Variants in CDH13 observed in about 807,000 individuals in gnomAD.
CDH13 encodes the protein cadherin 13.
In CDH13, 24 loss-of-function variants were observed where a neutral mutation model predicts 63.8. That is an observed-to-expected ratio of 0.38 (90% confidence interval 0.27 to 0.53). The LOEUF (loss-of-function observed/expected upper bound fraction) is 0.53. Among genes scored for constraint, CDH13 ranks in the 20% least tolerant of loss-of-function variants. CDH13 has a pLI of 0.85. For missense variants in CDH13, 1,049 were observed against 903.1 expected, an observed-to-expected ratio of 1.16 and a Z score of -2.07; for synonymous variants, 503 against 355.3, an observed-to-expected ratio of 1.42 and a Z score of -4.67.
intron 1 of CDH13, among the ~76,000 whole-genome samples, chr16:82,810,860 G>A (rs574328992): frequency 1.7e-4 from 26 of 149,924 alleles, no homozygotes; most frequent in East Asian, 7.8e-4. Context: ...AATAGGATTC[G>A]GGGTGATTGT....
chr16:83,013,569 TC>T (rs1367857419), intron 2 of CDH13, among the ~76,000 whole-genome samples: 2 of 152,096 alleles, frequency 1.3e-5, no homozygotes, highest in Non-Finnish European at 2.9e-5. Flanking sequence ...CAGGAAGAGC[TC>T]CAAATAAATC....
Position 82,735,133 on chromosome 16 carries a change from A to AT in CDH13, c.45+107996_45+107997insT, listed in dbSNP as rs757068617. 8.5e-5 allele frequency among the ~76,000 whole-genome samples: 13 copies of AT among 152,328 alleles called. 1 individual carries two copies. Among genetic ancestry groups the AT allele is most frequent in the African/African-American group, 2.9e-4 (12 of 41,576 alleles). On this transcript the variant is annotated intron_variant, in intron 1 of 13. Coordinates refer to ENST00000567109, the MANE Select transcript of CDH13 (RefSeq NM_001257.5). The stretch of plus-strand genomic sequence containing the variant: ...TAAGATCACCTTAAAGGAGCAAAGT[A>AT]AAAGGAAACAAGCCAAGGGGAAAGG...
intron 2 of CDH13, among the ~76,000 whole-genome samples, chr16:83,029,272 G>A (rs1916090198): frequency 6.6e-6 from 1 of 152,136 alleles, no homozygotes; most frequent in Non-Finnish European, 1.5e-5. Flanking sequence ...TAGGACCTAT[G>A]TAGATGAGCT....
chr16:82,847,363 G>A (rs1358918852), intron 1 of CDH13, among the ~76,000 whole-genome samples: 1 of 152,126 alleles, frequency 6.6e-6, no homozygotes, highest in East Asian at 1.9e-4. Flanking sequence ...GAGTCTCATG[G>A]GGAGAATTCC....
chr16:82,922,306 T>A (rs368173806), intron 2 of CDH13, among the ~76,000 whole-genome samples: 16 of 152,192 alleles, frequency 1.1e-4, no homozygotes, highest in African/African-American at 3.6e-4. Flanking sequence ...GGACAACTTT[T>A]CACATAAGTA....
intron 3 of CDH13, among the ~76,000 whole-genome samples, chr16:83,122,182 G>A (rs899698115): frequency 1.3e-5 from 2 of 152,148 alleles, no homozygotes; most frequent in Admixed American, 6.6e-5. Context: ...TTATCTTTCA[G>A]TCCTCTGATC....
At chr16:83,694,106 A>G (rs1905150086) in intron 10 of CDH13, among the ~76,000 whole-genome samples, 1 of 152,248 alleles carries the variant, frequency 6.6e-6, no homozygotes, top group Admixed American at 6.5e-5. Flanking sequence ...ATTAGGCATC[A>G]CAGAATGGAT....
intron 7 of CDH13, among the ~76,000 whole-genome samples, chr16:83,538,819 G>C (rs12927772): frequency 6.6e-6 from 1 of 151,876 alleles, no homozygotes; most frequent in Non-Finnish European, 1.5e-5. Context: ...TATCCAGCTT[G>C]GATACCTGGA....
intron 3 of CDH13, among the ~76,000 whole-genome samples, chr16:83,103,427 G>C (rs1046560156): frequency 1.3e-5 from 2 of 151,062 alleles, no homozygotes; most frequent in Admixed American, 1.3e-4. Flanking sequence ...TATATTTTTA[G>C]TAGAGATGGG....
chr16:83,223,531 C>G (rs1408636201), intron 5 of CDH13, among the ~76,000 whole-genome samples: 1 of 152,196 alleles, frequency 6.6e-6, no homozygotes, highest in African/African-American at 2.4e-5. Flanking sequence ...CTTCCTGCCA[C>G]TTTGCTCTGA....
intron 2 of CDH13, among the ~76,000 whole-genome samples, chr16:82,868,991 A>C (rs1416640300): frequency 6.6e-6 from 1 of 152,184 alleles, no homozygotes; most frequent in South Asian, 2.1e-4. Flanking sequence ...CAATCTCAAC[A>C]GTCTGTTTTG....
intron 1 of CDH13, among the ~76,000 whole-genome samples, chr16:82,690,246 A>G (rs913986249): frequency 5.3e-5 from 8 of 151,614 alleles, no homozygotes; most frequent in Admixed American, 4.6e-4. Flanking sequence ...ATAAATATGA[A>G]GAAGAATGGT....
At chr16:83,646,712 A>ACACACACAC (rs1555507949) in intron 8 of CDH13, among the ~76,000 whole-genome samples, 1 of 80,490 alleles carries the variant, frequency 1.2e-5, no homozygotes, top group African/African-American at 4.5e-5. Flanking sequence ...AAAAAAAAAA[A>ACACACACAC]ACACACACAC....
intron 2 of CDH13, among the ~76,000 whole-genome samples, chr16:82,892,381 T>G (rs2041110787): frequency 6.6e-6 from 1 of 152,324 alleles, no homozygotes; most frequent in African/African-American, 2.4e-5. Context: ...GGGATGACAT[T>G]TGACTGTTTT....
intron 10 of CDH13, among the ~76,000 whole-genome samples, chr16:83,700,240 G>A (rs558789705): frequency 4.8e-4 from 73 of 152,262 alleles, no homozygotes; most frequent in African/African-American, 1.3e-3. Context: ...GGATTCATCC[G>A]TGTTGTCACC....
intron 2 of CDH13, among the ~76,000 whole-genome samples, chr16:82,938,040 G>A (rs2042723038): frequency 1.3e-5 from 2 of 152,212 alleles, no homozygotes; most frequent in South Asian, 4.1e-4. Flanking sequence ...ATTGAAAGAA[G>A]AAGAAAAAGA....
At chr16:83,738,770 G>A (rs919114461) in intron 10 of CDH13, among the ~76,000 whole-genome samples, 1 of 152,144 alleles carries the variant, frequency 6.6e-6, no homozygotes, top group Admixed American at 6.5e-5. Flanking sequence ...GCCGGGCATG[G>A]TTGCACATGC....
chr16:82,936,185 G>GT (rs2042662576), intron 2 of CDH13, among the ~76,000 whole-genome samples: 1 of 152,082 alleles, frequency 6.6e-6, no homozygotes, highest in Non-Finnish European at 1.5e-5. Flanking sequence ...GCATTCACCT[G>GT]TGCAAGTCTC....
At chr16:82,690,480 C>T (rs200804852) in intron 1 of CDH13, among the ~76,000 whole-genome samples, 2 of 151,988 alleles carry the variant, frequency 1.3e-5, no homozygotes, top group East Asian at 1.9e-4. Context: ...ATTGATGATC[C>T]AGAAGAGGAA....
Sources: gnomAD v4.1 joint callset for allele counts (sites outside exome capture counted in the v4.1 genomes callset) on GRCh38, gnomAD v4.1.1 for gene constraint, MANE v1.5 for transcripts, NCBI Gene and HGNC (gene_info 2026-07-23, HGNC 2026-07-21) for gene names.